Variants in ANKRD36 observed in about 807,000 individuals in gnomAD.
The protein encoded by ANKRD36 is ankyrin repeat domain 36, also known as ankyrin repeat domain-containing protein 36A.
ANKRD36 carries 179 observed loss-of-function variants against 278.1 expected under a neutral mutation model. The observed-to-expected ratio is 0.64, with a 90% confidence interval of 0.57 to 0.73. The LOEUF (loss-of-function observed/expected upper bound fraction) is 0.73, where lower values mean the gene tolerates loss of function less well. Among genes scored for constraint, ANKRD36 ranks in the 30% least tolerant of loss-of-function variants. The probability of loss-of-function intolerance (pLI) is 0.00; values close to 1 mark genes in which losing one functional copy is unlikely to be tolerated. For synonymous variants in ANKRD36, 320 were observed against 641.1 expected, an observed-to-expected ratio of 0.50 and a Z score of 7.57; for missense variants, 1,159 against 1,956.7, an observed-to-expected ratio of 0.59 and a Z score of 7.69.
chr2:97,199,095 T>A (rs541540961), intron 44 of ANKRD36, among the ~76,000 whole-genome samples: 19 of 151,876 alleles, frequency 1.3e-4, no homozygotes, highest in African/African-American at 4.3e-4. Context: ...GTGTAGCAAC[T>A]ATTTTCCTAA....
intron 16 of ANKRD36, 146 bp from the exon 17 acceptor site, chr2:97,158,442 G>A (rs1314640447): frequency 3.7e-5 from 28 of 766,068 alleles, no homozygotes; most frequent in Non-Finnish European, 5.6e-5. Context: ...GGCCAGGCTG[G>A]TCTTGAACAC....
At position 97,191,115 on chromosome 2, in the gene ANKRD36, A is replaced by G; in HGVS notation, c.2281A>G (p.Thr761Ala). ...SQKQPALKAT[T>A]DEKDSVSNIA... ...TCTTTCAAATTCCATTCAGGCTACA[A>G]CTGATGAGAAAGATTCTGTTTCGAA... The change falls in exon 36 of 76, where the codon ACT (threonine) becomes GCT (alanine). Residue 761 changes from threonine to alanine, a missense_variant. Transcript: ENST00000420699. 6.3e-7 allele frequency: 1 copy of G among 1,597,792 alleles called. No homozygotes were observed. Among genetic ancestry groups the G allele is most frequent in the Non-Finnish European group, 8.5e-7 (1 of 1,172,202 alleles).
intron 22 of ANKRD36, among the ~76,000 whole-genome samples, chr2:97,172,023 CTT>C (rs910566862): frequency 6.6e-6 from 1 of 152,016 alleles, no homozygotes; most frequent in African/African-American, 2.4e-5. Context: ...TTTCCTGACT[CTT>C]TGGTAGACAC....
intron 22 of ANKRD36, among the ~76,000 whole-genome samples, chr2:97,177,898 A>G (rs2054813370): frequency 6.6e-6 from 1 of 151,210 alleles, no homozygotes; most frequent in Non-Finnish European, 1.5e-5. Context: ...GCAACCTACA[A>G]AATGGGAGAA....
intron 37 of ANKRD36, 31 bp from the exon 38 acceptor site, chr2:97,192,950 A>AT: frequency 1.9e-6 from 3 of 1,585,396 alleles, no homozygotes; most frequent in Non-Finnish European, 2.6e-6. Context: ...ATACTTTATT[A>AT]ATTTATTATT....
chr2:97,240,982 G>GTTTTTTTTTTTTTT (rs763385352), intron 68 of ANKRD36, among the ~76,000 whole-genome samples: 1 of 52,986 alleles, frequency 1.9e-5, no homozygotes, highest in Non-Finnish European at 3.2e-5. Context: ...ACATAACTAT[G>GTTTTTTTTTTTTTT]TTTTTTTTTT....
At chr2:97,198,095 CAT>C (rs2060291237) in intron 42 of ANKRD36, among the ~76,000 whole-genome samples, 1 of 151,894 alleles carries the variant, frequency 6.6e-6, no homozygotes, top group African/African-American at 2.4e-5. Context: ...GCATGAAAGA[CAT>C]GTGGGTACAT....
intron 50 of ANKRD36, among the ~76,000 whole-genome samples, chr2:97,205,671 A>G (rs1430780253): frequency 6.6e-6 from 1 of 151,528 alleles, no homozygotes; most frequent in African/African-American, 2.4e-5. Flanking sequence ...CGGCCTAAGC[A>G]CATTGATATT....
At chr2:97,179,338 T>A (rs2055412701) in intron 22 of ANKRD36, among the ~76,000 whole-genome samples, 2 of 151,628 alleles carry the variant, frequency 1.3e-5, no homozygotes, top group South Asian at 4.2e-4. Flanking sequence ...TCCAAATCAT[T>A]CTGATATCTT....
At chr2:97,165,036 G>A (rs2050253955) in intron 20 of ANKRD36, among the ~76,000 whole-genome samples, 1 of 152,096 alleles carries the variant, frequency 6.6e-6, no homozygotes, top group African/African-American at 2.4e-5. Context: ...ATTCTGAGCT[G>A]TTTTGGCCTT....
intron 44 of ANKRD36, among the ~76,000 whole-genome samples, chr2:97,199,012 G>C (rs1476882105): frequency 6.6e-6 from 1 of 151,672 alleles, no homozygotes; most frequent in Non-Finnish European, 1.5e-5. Flanking sequence ...ACTTCAGCTC[G>C]CACTGCCAAG....
At chr2:97,117,373 T>A (rs1429812593) in intron 1 of ANKRD36, among the ~76,000 whole-genome samples, 1 of 152,216 alleles carries the variant, frequency 6.6e-6, no homozygotes, top group Non-Finnish European at 1.5e-5. Context: ...CTGTTCTATG[T>A]ACTGTATCCC....
At chr2:97,215,842 G>A (rs1394177582) in intron 62 of ANKRD36, 333 of 597,764 alleles carry the variant, frequency 5.6e-4, no homozygotes, top group Non-Finnish European at 7.2e-4. Context: ...GATATTATAG[G>A]CGTCAGATCA....
chr2:97,200,531 T>G lies in ANKRD36; in HGVS notation c.2857+6T>G, dbSNP rs1558717808. 1 of 1,551,602 alleles carries G rather than the reference T, an allele frequency of 6.4e-7. No homozygotes were observed. The highest frequency in any genetic ancestry group is 1.9e-5 in the Admixed American group (1 of 51,474). Reference sequence around the variant, plus strand: ...TGGAGAAATATCTAGGAAAGGTAATTTTGCGAAACACATTTAATGTCATGT... The same window carrying G: ...TGGAGAAATATCTAGGAAAGGTAATGTTGCGAAACACATTTAATGTCATGT... On this transcript the variant is annotated splice_donor_region_variant and intron_variant, in intron 46 of 75. Coordinates refer to ENST00000420699, the MANE Select transcript of ANKRD36 (RefSeq NM_001354587.1).
chr2:97,215,901 A>G, intron 62 of ANKRD36: 3 of 470,752 alleles, frequency 6.4e-6, no homozygotes, highest in Admixed American at 3.7e-5. Context: ...CAAAAACAGC[A>G]TAGAATGAGA....
At chr2:97,260,369 T>C (rs994522546) in intron 75 of ANKRD36, among the ~76,000 whole-genome samples, 1 of 127,456 alleles carries the variant, frequency 7.8e-6, no homozygotes, top group Non-Finnish European at 1.5e-5. Flanking sequence ...TATATATATA[T>C]ATATATATAT....
At chr2:97,152,201 C>T (rs1250524470) in intron 13 of ANKRD36, among the ~76,000 whole-genome samples, 1 of 147,100 alleles carries the variant, frequency 6.8e-6, no homozygotes, top group Non-Finnish European at 1.5e-5. Context: ...CCATGTTGTC[C>T]AGGCTGGTCT....
chr2:97,195,906 A>T (rs1182681652), intron 40 of ANKRD36, among the ~76,000 whole-genome samples: 3 of 151,940 alleles, frequency 2.0e-5, no homozygotes, highest in African/African-American at 7.2e-5. Flanking sequence ...TGACATTTTT[A>T]TTGAGGCTAA....
intron 24 of ANKRD36, among the ~76,000 whole-genome samples, chr2:97,180,351 G>C (rs200705231): frequency 6.6e-6 from 1 of 151,604 alleles, no homozygotes; most frequent in Non-Finnish European, 1.5e-5. Flanking sequence ...TAGAACGAGA[G>C]CTAAGAAGAC....
Sources: gnomAD v4.1 joint callset for allele counts (sites outside exome capture counted in the v4.1 genomes callset) on GRCh38, gnomAD v4.1.1 for gene constraint, MANE v1.5 for transcripts, NCBI Gene and HGNC (gene_info 2026-07-23, HGNC 2026-07-21) for gene names.